RNF121: variants seen among roughly 807,000 people sequenced by gnomAD.
The protein encoded by RNF121 is ring finger protein 121.
A neutral mutation model predicts 46.5 loss-of-function variants in RNF121; 21 were observed. The observed-to-expected ratio is 0.45, with a 90% CI of 0.32 to 0.65. The LOEUF is 0.65. RNF121 is among the 30% of genes least tolerant of loss of function. The pLI is 0.04. For missense variants in RNF121, 346 were observed against 416.0 expected (o/e 0.83, Z 1.46); for synonymous variants, 139 against 144.7 (o/e 0.96, Z 0.28).
intron 3 of RNF121, among the ~76,000 whole-genome samples, chr11:71,982,335 CAAA>C (rs10635678): frequency 2.5e-5 from 2 of 79,112 alleles, no homozygotes; most frequent in Admixed American, 1.7e-4. Flanking sequence ...GACTCCATCT[CAAA>C]AAAAAAAAAA....
In RNF121 at chr11:71,997,210, G is replaced by A. The variant is rs1192710461; in HGVS notation, c.*895G>A. ...AGCCTAAGAGTGCGTATGCGTGTGT[G>A]TGTGTGTGTGTGTGTGTACGTGAGG... is the stretch of plus-strand genomic sequence containing the variant. On this transcript the variant is annotated 3_prime_UTR_variant, in exon 9 of 9. Transcript: ENST00000361756. 6.6e-6 allele frequency: 1 copy of A among 151,372 alleles called. No homozygotes were observed. The highest frequency in any genetic ancestry group is 1.5e-5 in the Non-Finnish European group (1 of 67,642). The allele number at this position is 151,372 out of a possible 1,614,324, so 9.4% of individuals were successfully genotyped here. A position where few individuals can be genotyped will look rare whatever the true frequency, so the allele number is the denominator to read the frequency against.
chr11:71,994,829 G>A lies in RNF121; in HGVS notation c.738G>A (p.Thr246=), dbSNP rs757261601. The change falls in exon 7 of 9, where the codon ACG becomes ACA. Residue 246 remains threonine (T), a synonymous_variant. Coordinates refer to ENST00000361756, the MANE Select transcript of RNF121 (RefSeq NM_018320.5). ...GTGAAGAGGGGATCATTGAGAACACGTATAGGCTGTCCTGCAATCATGTGT... is the reference window on the plus strand; with the variant it reads ...GTGAAGAGGGGATCATTGAGAACACATATAGGCTGTCCTGCAATCATGTGT... ...DVSEEGIIEN[T]YRLSCNHVFH... The A allele has an allele frequency of 1.1e-4, 174 of 1,614,168 alleles. 1 individual carries two copies. In the South Asian group the frequency reaches 1.4e-3, roughly 13 times the overall value.
rs750206860 is a variant in RNF121 at position 71,990,730 on chromosome 11, G to A, written c.627+13G>A. 158 of 1,612,144 alleles carry A rather than the reference G, an allele frequency of 9.8e-5. No individual in the cohort carries two copies. Among genetic ancestry groups the A allele is most frequent in the Non-Finnish European group, 1.3e-4 (151 of 1,179,500 alleles). On this transcript the variant is annotated intron_variant, in intron 6 of 8. Transcript: ENST00000361756. ...ATCTACCATAGGGGTAAGTTCATCCGGGTTCTTAAATACTGCTTCTTGACA... is the reference window on the plus strand; with the variant it reads ...ATCTACCATAGGGGTAAGTTCATCCAGGTTCTTAAATACTGCTTCTTGACA...
intron 3 of RNF121, among the ~76,000 whole-genome samples, chr11:71,964,019 T>G (rs1424839160): frequency 6.6e-6 from 1 of 152,256 alleles, no homozygotes; most frequent in Non-Finnish European, 1.5e-5. Context: ...CCTTATTAAT[T>G]TTAATATCAA....
intron 1 of RNF121, among the ~76,000 whole-genome samples, chr11:71,934,366 G>A (rs1466908980): frequency 6.6e-6 from 1 of 152,246 alleles, no homozygotes; most frequent in Non-Finnish European, 1.5e-5. Context: ...TGCTGTGATA[G>A]TGGGGTGGGT....
At chr11:71,995,423 C>T (rs1954955025) in intron 7 of RNF121, 27 bp from the exon 8 acceptor site, 1 of 1,553,644 alleles carries the variant, frequency 6.4e-7, no homozygotes, top group Middle Eastern at 1.7e-4. Context: ...CTGGCTCTCA[C>T]CATTTCCCTT....
At chr11:71,982,668 C>G in intron 3 of RNF121, 93 bp from the exon 4 acceptor site, 15 of 1,375,796 alleles carry the variant, frequency 1.1e-5, no homozygotes, top group Non-Finnish European at 1.5e-5. Context: ...AGGAGAGGAT[C>G]AAGCTAAAAT....
At chr11:71,987,139 T>G in intron 5 of RNF121, 28 bp downstream of exon 5, 2 of 1,462,830 alleles carry the variant, frequency 1.4e-6, no homozygotes, top group Non-Finnish European at 1.9e-6. Flanking sequence ...TTGTTTTTGC[T>G]GGAGTTTGGG....
At chr11:71,929,241 T>A in intron 1 of RNF121, 117 bp downstream of exon 1, 1 of 1,435,720 alleles carries the variant, frequency 7.0e-7, no homozygotes, top group Non-Finnish European at 9.2e-7. Flanking sequence ...GGGAAGGAGC[T>A]GACTAGGGGG....
intron 5 of RNF121, among the ~76,000 whole-genome samples, chr11:71,988,621 T>C (rs1420119179): frequency 7.1e-6 from 1 of 141,284 alleles, no homozygotes; most frequent in Non-Finnish European, 1.5e-5. Context: ...CTGGGCAACA[T>C]AGTGAGACTC....
At chr11:71,943,438 T>A (rs1953635724) in intron 1 of RNF121, among the ~76,000 whole-genome samples, 1 of 152,232 alleles carries the variant, frequency 6.6e-6, no homozygotes, top group South Asian at 2.1e-4. Flanking sequence ...AGCTGTTATC[T>A]GTGACAAGTC....
chr11:71,938,312 T>A (rs1390008789), intron 1 of RNF121, among the ~76,000 whole-genome samples: 1 of 110,556 alleles, frequency 9.0e-6, no homozygotes, highest in Non-Finnish European at 1.9e-5. Flanking sequence ...TGTAGTCTCT[T>A]AATTTTTTTT....
intron 3 of RNF121, among the ~76,000 whole-genome samples, chr11:71,963,454 C>T (rs1376564824): frequency 6.6e-6 from 1 of 152,064 alleles, no homozygotes; most frequent in Non-Finnish European, 1.5e-5. Flanking sequence ...AACCCCGTCT[C>T]TAATAAAAAT....
intron 3 of RNF121, among the ~76,000 whole-genome samples, chr11:71,973,241 C>G (rs1954458403): frequency 6.6e-6 from 1 of 151,480 alleles, no homozygotes; most frequent in African/African-American, 2.4e-5. Flanking sequence ...GCCTGTAATT[C>G]CAGCATTTTG....
chr11:71,937,602 G>T (rs1021417613), intron 1 of RNF121, among the ~76,000 whole-genome samples: 2 of 152,204 alleles, frequency 1.3e-5, no homozygotes, highest in African/African-American at 4.8e-5. Context: ...TCCATGGTCA[G>T]CCTATTCCTT....
intron 3 of RNF121, among the ~76,000 whole-genome samples, chr11:71,964,554 G>A (rs746862355): frequency 2.0e-4 from 30 of 151,932 alleles, no homozygotes; most frequent in Non-Finnish European, 3.7e-4. Context: ...TCGGCTCACT[G>A]CAGCCTCTAC....
intron 3 of RNF121, among the ~76,000 whole-genome samples, chr11:71,973,583 T>TCAA (rs1487032853): frequency 6.6e-6 from 1 of 152,038 alleles, no homozygotes; most frequent in Non-Finnish European, 1.5e-5. Context: ...GGTTGGGAGT[T>TCAA]CAAGACCAGC....
At chr11:71,951,117 G>A (rs1162367871) in intron 1 of RNF121, among the ~76,000 whole-genome samples, 1 of 151,788 alleles carries the variant, frequency 6.6e-6, no homozygotes, top group Non-Finnish European at 1.5e-5. Context: ...TCAACTACTC[G>A]GGACGCTGAG....
At chr11:71,957,969 CAT>C (rs908617528) in intron 2 of RNF121, among the ~76,000 whole-genome samples, 2 of 152,142 alleles carry the variant, frequency 1.3e-5, no homozygotes, top group Non-Finnish European at 2.9e-5. Context: ...ACTATAAAAA[CAT>C]AGAATGGCAA....
Sources: gnomAD v4.1 joint callset for allele counts (sites outside exome capture counted in the v4.1 genomes callset) on GRCh38, gnomAD v4.1.1 for gene constraint, MANE v1.5 for transcripts, NCBI Gene and HGNC (gene_info 2026-07-23, HGNC 2026-07-21) for gene names.